TRAPPC11: variants seen among roughly 807,000 people sequenced by gnomAD.
The protein encoded by TRAPPC11 is trafficking protein particle complex subunit 11.
TRAPPC11 carries 104 observed loss-of-function variants against 151.2 expected under a neutral mutation model. That is an observed-to-expected ratio of 0.69 (90% CI 0.59 to 0.81). The LOEUF is 0.81. Among genes scored for constraint, TRAPPC11 ranks in the 30% least tolerant of loss-of-function variants. TRAPPC11 has a pLI of 0.00. For synonymous variants in TRAPPC11, 456 were observed against 472.3 expected, an observed-to-expected ratio of 0.97 and a Z score of 0.45; for missense variants, 1,230 against 1,349.6, an observed-to-expected ratio of 0.91 and a Z score of 1.39.
chr4:183,686,676 T>C lies in TRAPPC11; in HGVS notation c.1821T>C (p.Phe607=). 1 of 1,614,168 alleles carries C rather than the reference T, an allele frequency of 6.2e-7. No individual in the cohort carries two copies. The highest frequency in any genetic ancestry group is 8.5e-7 in the Non-Finnish European group (1 of 1,179,996). The stretch of plus-strand genomic sequence containing the variant: ...TTCATGTTGATGTTCCTGTTCAGTT[T>C]GATATTTATCTGAAGGCTGATTGTC... ...PSFHVDVPVQ[F]DIYLKADCPH... Residue 607 remains phenylalanine, a synonymous_variant, in exon 18 of 30, where the codon TTT becomes TTC. Transcript: ENST00000334690.
chr4:183,664,759 T>C (rs1363543134), intron 2 of TRAPPC11, among the ~76,000 whole-genome samples: 1 of 152,216 alleles, frequency 6.6e-6, no homozygotes, highest in Non-Finnish European at 1.5e-5. Flanking sequence ...CATAATCTTA[T>C]GAGGTTGGTT....
intron 5 of TRAPPC11, among the ~76,000 whole-genome samples, chr4:183,672,197 A>G (rs2111322332): frequency 6.6e-6 from 1 of 152,356 alleles, no homozygotes; most frequent in Admixed American, 6.5e-5. Flanking sequence ...GGGAAGGTTT[A>G]AGGAAGAGGA....
intron 19 of TRAPPC11, among the ~76,000 whole-genome samples, chr4:183,692,385 T>G (rs1736299593): frequency 6.6e-6 from 1 of 151,772 alleles, no homozygotes; most frequent in Admixed American, 6.6e-5. Flanking sequence ...AAAAAAAAAC[T>G]TTCATGATTT....
At chr4:183,682,049 T>G (rs73872661) in intron 10 of TRAPPC11, among the ~76,000 whole-genome samples, 2,374 of 152,290 alleles carry the variant, frequency 0.016, 56 homozygotes, top group African/African-American at 0.054. Context: ...CATTTAATGC[T>G]GGATTAAATA....
intron 5 of TRAPPC11, among the ~76,000 whole-genome samples, chr4:183,674,342 A>G (rs375772774): frequency 4.8e-4 from 72 of 150,208 alleles, no homozygotes; most frequent in African/African-American, 1.6e-3. Context: ...CGCTTGAACC[A>G]GGGAAGTGGA....
chr4:183,661,418 C>T (rs1209053616), intron 1 of TRAPPC11, among the ~76,000 whole-genome samples: 1 of 124,214 alleles, frequency 8.1e-6, no homozygotes, highest in Non-Finnish European at 1.6e-5. Context: ...GTCGCCCAGG[C>T]TGGAGTGCAG....
Position 183,684,678 on chromosome 4 carries a change from CA to C in TRAPPC11, c.1422-17del, listed in dbSNP as rs1384979422. 1 of 1,612,852 alleles carries C rather than the reference CA, an allele frequency of 6.2e-7. No homozygotes were observed. Among genetic ancestry groups the C allele is most frequent in the Non-Finnish European group, 8.5e-7 (1 of 1,179,456 alleles). ...TTCTTGTGAAGCCGGTTCAGTATTA[CA>C]TTTTGTCTTCTTTGAGGTTGCTGGA... On this transcript the variant is annotated splice_polypyrimidine_tract_variant and intron_variant, in intron 14 of 29. Coordinates refer to ENST00000334690, the MANE Select transcript of TRAPPC11 (RefSeq NM_021942.6).
chr4:183,697,962 C>G (rs949414669), intron 25 of TRAPPC11, 127 bp downstream of exon 25: 3 of 786,070 alleles, frequency 3.8e-6, no homozygotes, highest in Non-Finnish European at 3.9e-6. Flanking sequence ...GACCTGCACT[C>G]GTGAAAGCAA....
At chr4:183,705,108 A>G (rs1367269613) in intron 27 of TRAPPC11, 38 bp downstream of exon 27, 3 of 1,339,734 alleles carry the variant, frequency 2.2e-6, no homozygotes, top group African/African-American at 1.4e-5. Context: ...AGAAGGACCC[A>G]ATAATAATAG....
intron 3 of TRAPPC11, 118 bp downstream of exon 3, chr4:183,666,544 T>G (rs1234018811): frequency 3.1e-6 from 3 of 976,828 alleles, no homozygotes; most frequent in African/African-American, 3.3e-5. Context: ...CGGATTGACC[T>G]CCAGTGAATC....
In TRAPPC11 at chr4:183,663,633, T is replaced by C. The variant is rs538882443; in HGVS notation, c.-21-214T>C. Among the ~76,000 whole-genome samples the C allele has an allele frequency of 1.6e-4, 24 of 152,174 alleles. No homozygotes were observed. The East Asian group carries it at 2.3e-3, about 15-fold the overall frequency. ...ATCCACCTGCTTCGGCCTCCCAAAG[T>C]GTTGGGATTGTATGCGTGAGCCACC... On this transcript the variant is annotated intron_variant, in intron 1 of 29. Transcript: ENST00000334690.
chr4:183,666,517 C>A, intron 3 of TRAPPC11, 91 bp downstream of exon 3: 1 of 1,299,116 alleles, frequency 7.7e-7, no homozygotes, highest in Non-Finnish European at 1.1e-6. Flanking sequence ...ACCGTTCAGA[C>A]TGCAGTGGTC....
Position 183,694,038 on chromosome 4 carries a change from G to C in TRAPPC11, c.2508G>C (p.Gln836His). ...IPVGDLHPGEQLEKMLYVRCG... is the reference protein window; with the variant it reads ...IPVGDLHPGEHLEKMLYVRCG... ...TTGGAGACTTACATCCAGGGGAACA[G>C]GTAAACTTGGTCAACTGGGATTGAA... The change falls in exon 22 of 30, where the codon CAG (glutamine) becomes CAC (histidine). Residue 836 changes from glutamine (Q) to histidine (H), a missense_variant and splice_region_variant. Coordinates refer to ENST00000334690, the MANE Select transcript of TRAPPC11 (RefSeq NM_021942.6). The C allele has an allele frequency of 6.2e-7, 1 of 1,612,822 alleles. No individual in the cohort carries two copies. The highest frequency in any genetic ancestry group is 8.5e-7 in the Non-Finnish European group (1 of 1,179,346).
intron 2 of TRAPPC11, among the ~76,000 whole-genome samples, chr4:183,665,886 GA>G (rs1734852363): frequency 6.6e-6 from 1 of 151,322 alleles, no homozygotes; most frequent in African/African-American, 2.4e-5. Context: ...ACAGAAGCTG[GA>G]ATGGTGAAGA....
At position 183,692,944 on chromosome 4, in the gene TRAPPC11, T is replaced by C. The variant is rs780470473; in HGVS notation, c.2050-16T>C. ...ATATGAGATGACATTTCCAACATCC[T>C]TTTTTTTCTTTTTAGATTACTTCAG... is the stretch of plus-strand genomic sequence containing the variant. On this transcript the variant is annotated splice_polypyrimidine_tract_variant and intron_variant, in intron 19 of 29. Coordinates refer to ENST00000334690, the MANE Select transcript of TRAPPC11 (RefSeq NM_021942.6). 3.2e-6 allele frequency: 5 copies of C among 1,573,352 alleles called. No individual in the cohort carries two copies. The highest frequency in any genetic ancestry group is 1.8e-4 in the Middle Eastern group (1 of 5,692).
At chr4:183,661,513 A>G (rs1323673877) in intron 1 of TRAPPC11, among the ~76,000 whole-genome samples, 3 of 151,068 alleles carry the variant, frequency 2.0e-5, no homozygotes, top group East Asian at 3.9e-4. Flanking sequence ...CTGGGACTAC[A>G]GGCGCCCACC....
chr4:183,678,581 CAG>C (rs1426656535), intron 8 of TRAPPC11, among the ~76,000 whole-genome samples: 1 of 152,126 alleles, frequency 6.6e-6, no homozygotes, highest in Non-Finnish European at 1.5e-5. Flanking sequence ...AATAAAGTCA[CAG>C]ATTAGCATAT....
At chr4:183,691,510 A>G in intron 19 of TRAPPC11, 39 bp downstream of exon 19, 3 of 1,254,712 alleles carry the variant, frequency 2.4e-6, no homozygotes, top group South Asian at 2.1e-5. Flanking sequence ...TTTTAATAAT[A>G]AAAGTATGTT....
chr4:183,668,224 T>A, intron 5 of TRAPPC11, 107 bp downstream of exon 5: 1 of 642,038 alleles, frequency 1.6e-6, no homozygotes, highest in Non-Finnish European at 2.7e-6. Context: ...ATGAAAAACA[T>A]TCATATGATA....
Sources: allele counts gnomAD v4.1 joint callset (sites outside exome capture counted in the v4.1 genomes callset), GRCh38; gene constraint gnomAD v4.1.1; transcripts MANE v1.5; gene names NCBI Gene and HGNC (gene_info 2026-07-23, HGNC 2026-07-21).